Variants in DMD observed in about 807,000 individuals in gnomAD.
DMD encodes mutant dystrophin.
A neutral mutation model predicts 330.1 loss-of-function variants in DMD; 63 were observed. That is an observed-to-expected ratio of 0.19 (90% CI 0.16 to 0.24). The LOEUF is 0.24. Ranked by LOEUF, DMD falls within the 10% of genes least tolerant of loss-of-function variation. DMD has a pLI of 1.00. For missense variants in DMD, 3,344 were observed against 2,684.1 expected (o/e 1.25, Z -5.43); for synonymous variants, 1,223 against 959.8 (o/e 1.27, Z -5.07).
chrX:32,160,653 C>A (rs886558378), intron 44 of DMD, among the ~76,000 whole-genome samples: 4 of 111,303 alleles, frequency 3.6e-5, no homozygotes, highest in Non-Finnish European at 5.6e-5. Context: ...TGTTAAGAAT[C>A]TTCTAGCATA....
intron 56 of DMD, among the ~76,000 whole-genome samples, chrX:31,506,192 T>C (rs1259659640): frequency 1.8e-5 from 2 of 111,834 alleles, no homozygotes; most frequent in Admixed American, 9.5e-5. Flanking sequence ...ATAGTGCTTC[T>C]GAATTACTAA....
At chrX:33,242,293 T>C (rs2052599281) in intron 1 of DMD, among the ~76,000 whole-genome samples, 1 of 111,123 alleles carries the variant, frequency 9.0e-6, no homozygotes, top group Non-Finnish European at 1.9e-5. Flanking sequence ...CCAAAGTCCA[T>C]TGTATTATTC....
chrX:32,667,764 T>TGA (rs1460514359), intron 9 of DMD, among the ~76,000 whole-genome samples: 2 of 80,365 alleles, frequency 2.5e-5, no homozygotes, highest in African/African-American at 5.5e-5. Context: ...TCTCTGCTTT[T>TGA]GTGTTTTTTT....
intron 17 of DMD, 24 bp from the exon 18 acceptor site, chrX:32,518,155 C>A (rs1307183850): frequency 2.5e-6 from 3 of 1,188,072 alleles, no homozygotes; most frequent in Admixed American, 2.2e-5. Flanking sequence ...AAATAAAAGT[C>A]ATTATTTCTT....
chrX:31,132,475 C>T (rs943507456), intron 77 of DMD, among the ~76,000 whole-genome samples: 4 of 111,416 alleles, frequency 3.6e-5, no homozygotes, highest in African/African-American at 1.3e-4. Context: ...AGCTTCTTCT[C>T]TACTAACCTC....
At chrX:32,473,633 G>T (rs1369684611) in intron 21 of DMD, among the ~76,000 whole-genome samples, 1 of 111,370 alleles carries the variant, frequency 9.0e-6, no homozygotes, top group Non-Finnish European at 1.9e-5. Context: ...TAGAGAGTGT[G>T]TTGGCAATGG....
chrX:32,548,510 T>C (rs970192011), intron 16 of DMD, among the ~76,000 whole-genome samples: 2 of 111,784 alleles, frequency 1.8e-5, no homozygotes, highest in Non-Finnish European at 3.8e-5. Context: ...AAGTACATTA[T>C]GGTATATGAA....
intron 62 of DMD, among the ~76,000 whole-genome samples, chrX:31,309,904 G>A (rs2055339706): frequency 1.8e-5 from 2 of 111,311 alleles, no homozygotes; most frequent in South Asian, 7.7e-4. Flanking sequence ...AGCCAGCCAC[G>A]ACTCATAAAT....
intron 2 of DMD, among the ~76,000 whole-genome samples, chrX:32,960,916 TA>T (rs59425093): frequency 0.051 from 3,506 of 68,609 alleles, 59 homozygotes; most frequent in African/African-American, 0.056. Context: ...GCACCATTTG[TA>T]AAAAAAAAAA....
At chrX:32,601,247 C>T (rs1194389962) in intron 12 of DMD, among the ~76,000 whole-genome samples, 1 of 111,699 alleles carries the variant, frequency 9.0e-6, no homozygotes, top group East Asian at 2.8e-4. Flanking sequence ...CGGTATATAA[C>T]TTTGTTATAA....
chrX:32,575,114 T>G (rs1206218423), intron 13 of DMD, among the ~76,000 whole-genome samples: 1 of 110,891 alleles, frequency 9.0e-6, no homozygotes, highest in Admixed American at 9.6e-5. Context: ...GCCAGGCTGC[T>G]CTCGAACTCC....
chrX:32,998,287 C>A (rs181322466), intron 2 of DMD, among the ~76,000 whole-genome samples: 22 of 99,470 alleles, frequency 2.2e-4, no homozygotes, highest in African/African-American at 8.1e-4. Context: ...AAGGATGGCT[C>A]AAACCCGGGA....
chrX:32,221,159 A>C (rs2097130581), intron 43 of DMD, among the ~76,000 whole-genome samples: 1 of 111,201 alleles, frequency 9.0e-6, no homozygotes, highest in Non-Finnish European at 1.9e-5. Flanking sequence ...AGGTGGTAGT[A>C]AATTCCATGA....
chrX:33,312,282 G>A (rs910066323), intron 1 of DMD, among the ~76,000 whole-genome samples: 1 of 110,959 alleles, frequency 9.0e-6, no homozygotes, highest in African/African-American at 3.3e-5. Flanking sequence ...TGAAACCTAC[G>A]TATATAGAGG....
At chrX:31,259,505 T>C (rs1165246103) in intron 63 of DMD, among the ~76,000 whole-genome samples, 2 of 112,015 alleles carry the variant, frequency 1.8e-5, no homozygotes, top group Non-Finnish European at 3.8e-5. Context: ...GGGCTGGAAA[T>C]GTAGCACTTG....
chrX:31,962,606 C>G (rs1236735051), intron 45 of DMD, among the ~76,000 whole-genome samples: 4 of 111,599 alleles, frequency 3.6e-5, no homozygotes, highest in Non-Finnish European at 5.6e-5. Flanking sequence ...GTAATGAGTG[C>G]CTAGTAGCCA....
intron 16 of DMD, among the ~76,000 whole-genome samples, chrX:32,554,632 C>T (rs1261130905): frequency 1.0e-4 from 11 of 108,026 alleles, no homozygotes; most frequent in Non-Finnish European, 9.6e-5. Context: ...ATAAATATCC[C>T]ACCAACCAAC....
At chrX:32,760,434 A>G (rs190235150) in intron 7 of DMD, among the ~76,000 whole-genome samples, 1 of 111,931 alleles carries the variant, frequency 8.9e-6, no homozygotes, top group African/African-American at 3.2e-5. Flanking sequence ...CAGAGAATAA[A>G]TTTTCCATGA....
At position 31,120,643 on chromosome X, in the gene DMD, G is replaced by GTATT. The variant is rs1199771838; in HGVS notation, c.*1272_*1275dup. On this transcript the variant is annotated 3_prime_UTR_variant, in exon 79 of 79. Transcript: ENST00000357033. ...TAGTTGTAATTACAGAGAACTTTAT[G>GTATT]TATTATGAACAATCATCCAATCCTT... is the stretch of plus-strand genomic sequence containing the variant. 2 of 111,877 alleles carry GTATT rather than the reference G, an allele frequency of 1.8e-5. No homozygotes were observed. The highest frequency in any genetic ancestry group is 3.8e-5 in the Non-Finnish European group (2 of 53,191). 9.2% of individuals were successfully genotyped at this position (111,877 alleles called of 1,213,427 possible). A position where few individuals can be genotyped will look rare whatever the true frequency, so the allele number is the denominator to read the frequency against.
Sources: allele counts gnomAD v4.1 joint callset (sites outside exome capture counted in the v4.1 genomes callset), GRCh38; gene constraint gnomAD v4.1.1; transcripts MANE v1.5; gene names NCBI Gene and HGNC (gene_info 2026-07-23, HGNC 2026-07-21).